Variants in DPF3 observed in about 807,000 individuals in gnomAD.
DPF3 encodes zinc finger protein DPF3.
DPF3 carries 18 observed loss-of-function variants against 56.8 expected under a neutral mutation model. The observed-to-expected ratio is 0.32, with a 90% CI of 0.22 to 0.47. The LOEUF (loss-of-function observed/expected upper bound fraction) is 0.47. DPF3 is among the 20% of genes least tolerant of loss of function. DPF3 has a pLI of 1.00. For synonymous variants in DPF3, 188 were observed against 180.2 expected (o/e 1.04, Z -0.35); for missense variants, 403 against 488.8 (o/e 0.82, Z 1.65).
chr14:72,886,738 A>G (rs1886562671), intron 1 of DPF3, among the ~76,000 whole-genome samples: 1 of 152,030 alleles, frequency 6.6e-6, no homozygotes, highest in South Asian at 2.1e-4. Context: ...ATGCTTGCAA[A>G]AAAACTGCCA....
chr14:72,892,636 G>A, intron 1 of DPF3: 1 of 1,131,656 alleles, frequency 8.8e-7, no homozygotes, highest in Middle Eastern at 3.7e-4. Flanking sequence ...GTGGCCAGGG[G>A]TGAAGACGAG....
intron 6 of DPF3, among the ~76,000 whole-genome samples, chr14:72,703,856 C>T (rs575819272): frequency 6.6e-6 from 1 of 152,320 alleles, no homozygotes; most frequent in East Asian, 1.9e-4. Context: ...CCCTTAGATC[C>T]TGCAGCAGCT....
At position 72,753,367 on chromosome 14, in the gene DPF3, A is replaced by G; in HGVS notation, c.198T>C (p.Leu66=). ...WMEKRHRGPG[L]APGQLYTYPA... ...GGTATGTATACAGCTGGCCCGGGGC[A>G]AGGCCTGTGGACAGAGACAATATAA... is the stretch of plus-strand genomic sequence containing the variant. The change falls in exon 3 of 11, where the codon CTT becomes CTC. Residue 66 remains leucine, a synonymous_variant. Coordinates refer to ENST00000556509, the MANE Select transcript of DPF3 (RefSeq NM_001280542.3). The G allele has an allele frequency of 1.2e-6, 2 of 1,610,778 alleles. No individual in the cohort carries two copies. The highest frequency in any genetic ancestry group is 1.7e-4 in the Middle Eastern group (1 of 6,052).
chr14:72,715,824 C>T (rs183212345), intron 5 of DPF3, among the ~76,000 whole-genome samples: 1 of 151,714 alleles, frequency 6.6e-6, no homozygotes, highest in East Asian at 2.0e-4. Context: ...TCCTCCCTCC[C>T]TCCCACCAGT....
intron 1 of DPF3, among the ~76,000 whole-genome samples, chr14:72,858,282 TGG>T (rs1885247854): frequency 1.5e-5 from 2 of 137,760 alleles, no homozygotes; most frequent in Admixed American, 7.7e-5. Flanking sequence ...CACTCCAGCC[TGG>T]GTGACAGAGT....
At chr14:72,630,413 C>T (rs1041512970) in intron 8 of DPF3, among the ~76,000 whole-genome samples, 6 of 152,130 alleles carry the variant, frequency 3.9e-5, no homozygotes, top group Admixed American at 2.0e-4. Flanking sequence ...GACTGGTTCC[C>T]GGTTCTAACT....
At chr14:72,688,527 T>G (rs891464297) in intron 7 of DPF3, among the ~76,000 whole-genome samples, 2 of 131,086 alleles carry the variant, frequency 1.5e-5, no homozygotes, top group Admixed American at 7.2e-5. Flanking sequence ...ATCACAAGCC[T>G]ATGTTAAGGG....
At position 72,690,414 on chromosome 14, in the gene DPF3, C is replaced by T. The variant is rs1323293094; in HGVS notation, c.742+2662G>A. Among the ~76,000 whole-genome samples the T allele has an allele frequency of 2.0e-5, 3 of 152,192 alleles. No homozygotes were observed. In the East Asian group the frequency reaches 5.8e-4, roughly 29 times the overall value. ...GCACACCTCCCCGTGCAGCCACAAA[C>T]ACCAAGCACATGGACGGACACATAT... is the stretch of plus-strand genomic sequence containing the variant. On this transcript the variant is annotated intron_variant, in intron 7 of 10. Transcript: ENST00000556509.
chr14:72,739,815 A>G (rs979710001), intron 3 of DPF3, among the ~76,000 whole-genome samples: 2 of 152,348 alleles, frequency 1.3e-5, no homozygotes, highest in Non-Finnish European at 2.9e-5. Context: ...CCTACTATGT[A>G]TCGACTCTGT....
At chr14:72,752,770 C>G (rs1890632193) in intron 3 of DPF3, among the ~76,000 whole-genome samples, 1 of 152,218 alleles carries the variant, frequency 6.6e-6, no homozygotes, top group African/African-American at 2.4e-5. Flanking sequence ...CAAACTCTTC[C>G]ATCCTCATCC....
At chr14:72,774,032 C>A (rs1891655567) in intron 1 of DPF3, 1 of 451,356 alleles carries the variant, frequency 2.2e-6, no homozygotes, top group Admixed American at 2.4e-5. Flanking sequence ...TGCCTGTAAT[C>A]CCAGCACTTT....
chr14:72,823,494 T>C (rs1037545357), intron 1 of DPF3, among the ~76,000 whole-genome samples: 2 of 152,174 alleles, frequency 1.3e-5, no homozygotes, highest in Admixed American at 6.5e-5. Flanking sequence ...CTGGTGAGTC[T>C]GTGAATGTGA....
intron 1 of DPF3, among the ~76,000 whole-genome samples, chr14:72,891,730 C>G (rs1599530653): frequency 6.6e-6 from 1 of 151,944 alleles, no homozygotes; most frequent in Non-Finnish European, 1.5e-5. Context: ...ATTGTTTATA[C>G]CCCTTTACTC....
intron 8 of DPF3, among the ~76,000 whole-genome samples, chr14:72,651,525 AC>A (rs1885907873): frequency 1.3e-5 from 2 of 152,334 alleles, no homozygotes; most frequent in African/African-American, 2.4e-5. Flanking sequence ...AGTCAGGAAG[AC>A]AGGGGGATGG....
At position 72,714,976 on chromosome 14, in the gene DPF3, G is replaced by A. The variant is rs138727598; in HGVS notation, c.526-475C>T. ...AGACCAGCTGATGCACGTATCAGGA[G>A]CAAGGCCTGACGGGGGCAAGGCTAG... On this transcript the variant is annotated intron_variant, in intron 5 of 10. Coordinates refer to ENST00000556509, the MANE Select transcript of DPF3 (RefSeq NM_001280542.3). Among the ~76,000 whole-genome samples, 357 of 152,344 alleles carry A rather than the reference G, an allele frequency of 2.3e-3. 3 individuals carry two copies. The highest frequency in any genetic ancestry group is 3.9e-3 in the Non-Finnish European group (264 of 68,036).
chr14:72,679,016 A>T (rs1420373795), intron 7 of DPF3, among the ~76,000 whole-genome samples: 1 of 152,262 alleles, frequency 6.6e-6, no homozygotes, highest in Non-Finnish European at 1.5e-5. Context: ...AGCTTCACAC[A>T]GCCCCATCAC....
intron 7 of DPF3, among the ~76,000 whole-genome samples, chr14:72,677,196 T>C (rs1567197518): frequency 6.6e-6 from 1 of 152,142 alleles, no homozygotes; most frequent in Non-Finnish European, 1.5e-5. Flanking sequence ...GGTACATTTT[T>C]AGTCTGGCAA....
At chr14:72,702,783 G>A (rs1252905386) in intron 6 of DPF3, among the ~76,000 whole-genome samples, 1 of 152,114 alleles carries the variant, frequency 6.6e-6, no homozygotes, top group Non-Finnish European at 1.5e-5. Flanking sequence ...CTCAGACTGG[G>A]TACGCAGGGT....
intron 1 of DPF3, among the ~76,000 whole-genome samples, chr14:72,828,470 G>A (rs1883909637): frequency 6.8e-6 from 1 of 146,766 alleles, no homozygotes; most frequent in African/African-American, 2.5e-5. Context: ...CCTGGGAGGT[G>A]GAGGCTGCAG....
Sources: gnomAD v4.1 joint callset for allele counts (sites outside exome capture counted in the v4.1 genomes callset) on GRCh38, gnomAD v4.1.1 for gene constraint, MANE v1.5 for transcripts, NCBI Gene and HGNC (gene_info 2026-07-23, HGNC 2026-07-21) for gene names.